Variants in G3BP1 observed in about 807,000 individuals in gnomAD.
G3BP1 encodes the protein G3BP stress granule assembly factor 1.
Under a neutral mutation model 58.6 loss-of-function variants are expected in G3BP1, and 35 were observed. The observed-to-expected ratio is 0.60, with a 90% CI of 0.46 to 0.79. The LOEUF is 0.79. Among genes scored for constraint, G3BP1 ranks in the 30% least tolerant of loss-of-function variants. The probability of loss-of-function intolerance (pLI) is 0.00; values close to 1 mark genes in which losing one functional copy is unlikely to be tolerated. For synonymous variants in G3BP1, 191 were observed against 195.4 expected (o/e 0.98, Z 0.19); for missense variants, 523 against 580.8 (o/e 0.90, Z 1.02).
In G3BP1 at chr5:151,800,214, T is replaced by C; in HGVS notation, c.956-4T>C. 1 of 1,611,970 alleles carries C rather than the reference T, an allele frequency of 6.2e-7. No homozygotes were observed. Among genetic ancestry groups the C allele is most frequent in the Non-Finnish European group, 8.5e-7 (1 of 1,179,672 alleles). On this transcript the variant is annotated splice_region_variant and splice_polypyrimidine_tract_variant and intron_variant, in intron 9 of 11. Coordinates refer to ENST00000356245, the MANE Select transcript of G3BP1 (RefSeq NM_005754.3). The stretch of plus-strand genomic sequence containing the variant: ...TTTCATTGATGTTTTTGTCTCCTTT[T>C]AAGTCCGTGAGGCTGGTGAGCAAGG...
At chr5:151,801,199 A>G (rs1219958532) in intron 11 of G3BP1, among the ~76,000 whole-genome samples, 2 of 152,204 alleles carry the variant, frequency 1.3e-5, no homozygotes, top group South Asian at 2.1e-4. Flanking sequence ...ACTTCTAACT[A>G]TTAACTAAGA....
intron 4 of G3BP1, 45 bp from the exon 5 acceptor site, chr5:151,794,114 C>T: frequency 1.7e-6 from 2 of 1,186,410 alleles, no homozygotes; most frequent in Non-Finnish European, 1.3e-6. Flanking sequence ...ATTTGACTTT[C>T]TAAAAGTCTG....
At position 151,808,812 on chromosome 5, in the gene G3BP1, G is replaced by T. The variant is rs144196320; in HGVS notation, c.*4721G>T. On this transcript the variant is annotated 3_prime_UTR_variant, in exon 12 of 12. Coordinates refer to ENST00000356245, the MANE Select transcript of G3BP1 (RefSeq NM_005754.3). ...TTTGGGGAAGGTTGCCTATATTTTTGATAGTAATTAGATGGAAGATTAAAT... is the reference window on the plus strand; with the variant it reads ...TTTGGGGAAGGTTGCCTATATTTTTTATAGTAATTAGATGGAAGATTAAAT... 2 of 152,156 alleles carry T rather than the reference G, an allele frequency of 1.3e-5. No individual in the cohort carries two copies. The highest frequency in any genetic ancestry group is 2.9e-5 in the Non-Finnish European group (2 of 68,034). 9.4% of individuals were successfully genotyped at this position (152,156 alleles called of 1,614,324 possible).
rs1762949039 is a variant in G3BP1 at position 151,807,164 on chromosome 5, T to C, written c.*3073T>C. 1 of 152,186 alleles carries C rather than the reference T, an allele frequency of 6.6e-6. No homozygotes were observed. Among genetic ancestry groups the C allele is most frequent in the Non-Finnish European group, 1.5e-5 (1 of 68,022 alleles). The allele number at this position is 152,186 out of a possible 1,614,324, so 9.4% of individuals were successfully genotyped here. Reference sequence around the variant, plus strand: ...TTGGTTGAGTATGTCATTACCACAGTGTTAGTTGAATTGCACTTTAGGTTA... The same window carrying C: ...TTGGTTGAGTATGTCATTACCACAGCGTTAGTTGAATTGCACTTTAGGTTA... On this transcript the variant is annotated 3_prime_UTR_variant, in exon 12 of 12. Transcript: ENST00000356245.
rs1762734336 is a variant in G3BP1, at chr5:151,795,522, A to G, written c.486A>G (p.Thr162=). The G allele has an allele frequency of 1.2e-6, 2 of 1,608,246 alleles. No individual in the cohort carries two copies. The highest frequency in any genetic ancestry group is 2.2e-5 in the South Asian group (2 of 90,758). The change falls in exon 6 of 12, where the codon ACA becomes ACG. Residue 162 remains threonine (T), a synonymous_variant. Coordinates refer to ENST00000356245, the MANE Select transcript of G3BP1 (RefSeq NM_005754.3). Reference sequence around the variant, plus strand: ...AGGAACCTGAAGAAAGACAGCAAACACCTGAGGTGGTACCTGATGATTCTG... The same window carrying G: ...AGGAACCTGAAGAAAGACAGCAAACGCCTGAGGTGGTACCTGATGATTCTG... ...EVEEPEERQQ[T]PEVVPDDSGT... is the part of the protein sequence containing the mutation.
chr5:151,784,547 C>T (rs1223443132), intron 1 of G3BP1, among the ~76,000 whole-genome samples: 4 of 152,122 alleles, frequency 2.6e-5, no homozygotes, highest in Non-Finnish European at 5.9e-5. Context: ...AAGAAATGGT[C>T]TCTGCTCTTA....
In G3BP1 at chr5:151,792,044, G is replaced by A. The variant is rs189535034; in HGVS notation, c.351+982G>A. ...AACACTTATGGCAAAATATTTTCCA[G>A]GTTCATCTTGCACTGTTCCTGGCCC... On this transcript the variant is annotated intron_variant, in intron 4 of 11. Coordinates refer to ENST00000356245, the MANE Select transcript of G3BP1 (RefSeq NM_005754.3). The A allele has an allele frequency of 2.0e-5, 9 of 452,638 alleles. No individual in the cohort carries two copies. The East Asian group carries it at 3.5e-4, about 18-fold the overall frequency. 28.0% of individuals were successfully genotyped at this position (452,638 alleles called of 1,614,324 possible).
In G3BP1 at chr5:151,791,035, C is replaced by G; in HGVS notation, c.324C>G (p.Phe108Leu). The change falls in exon 4 of 12, where the codon TTC (phenylalanine) becomes TTG (leucine). Residue 108 changes from phenylalanine to leucine, a missense_variant. Phe to Leu is a conservative substitution (Grantham distance 22, BLOSUM62 0). Coordinates refer to ENST00000356245, the MANE Select transcript of G3BP1 (RefSeq NM_005754.3). ...ACAACAACCAGGCTTTGAGGAGATT[C>G]ATGCAAACGTTTGTCCTTGCTCCTG... is the stretch of plus-strand genomic sequence containing the variant. ...LSNNNQALRR[F>L]MQTFVLAPEG... 6.2e-7 allele frequency: 1 copy of G among 1,613,760 alleles called. No homozygotes were observed. Among genetic ancestry groups the G allele is most frequent in the Non-Finnish European group, 8.5e-7 (1 of 1,179,776 alleles).
intron 1 of G3BP1, among the ~76,000 whole-genome samples, chr5:151,773,331 A>T (rs1762310351): frequency 8.4e-6 from 1 of 118,860 alleles, no homozygotes; most frequent in African/African-American, 3.6e-5. Context: ...GTTACAGTAT[A>T]CTATTTGGAC....
intron 1 of G3BP1, among the ~76,000 whole-genome samples, chr5:151,773,599 A>G (rs925825249): frequency 3.9e-5 from 6 of 152,210 alleles, no homozygotes; most frequent in South Asian, 2.1e-4. Flanking sequence ...TAAATCTTCT[A>G]TGTTATAGAA....
In G3BP1 at chr5:151,795,574, A is replaced by G; in HGVS notation, c.538A>G (p.Ser180Gly). 1.3e-6 allele frequency: 2 copies of G among 1,552,572 alleles called. No homozygotes were observed. Among genetic ancestry groups the G allele is most frequent in the Non-Finnish European group, 1.8e-6 (2 of 1,125,300 alleles). Residue 180 changes from serine to glycine, a missense_variant and splice_region_variant, in exon 6 of 12, where the codon AGT (serine) becomes GGT (glycine). Physicochemically the swap from Ser to Gly is moderately conservative, Grantham distance 56 (BLOSUM62 0). Around this residue, in one of 2 missense-constraint regions of G3BP1, gnomAD observed 398 missense variants for 399.1 expected, o/e 1.00. Transcript: ENST00000356245. ...SGTFYDQAVV[S>G]NDMEEHLEEP... The stretch of plus-strand genomic sequence containing the variant: ...AACTTTCTATGATCAGGCAGTTGTC[A>G]GGTAAGAAGATTTTGTTCACATGTC...
rs1762933395 is a variant in G3BP1, at chr5:151,805,966, T to C, written c.*1875T>C. On this transcript the variant is annotated 3_prime_UTR_variant, in exon 12 of 12. Coordinates refer to ENST00000356245, the MANE Select transcript of G3BP1 (RefSeq NM_005754.3). Reference sequence around the variant, plus strand: ...TACATTTCAAAACAGAAGTTCTTCCTACTTGGAGACTTAAGGGCATTAACT... The same window carrying C: ...TACATTTCAAAACAGAAGTTCTTCCCACTTGGAGACTTAAGGGCATTAACT... 1 of 152,218 alleles carries C rather than the reference T, an allele frequency of 6.6e-6. No homozygotes were observed. Among genetic ancestry groups the C allele is most frequent in the African/African-American group, 2.4e-5 (1 of 41,460 alleles). 9.4% of individuals were successfully genotyped at this position (152,218 alleles called of 1,614,324 possible).
intron 1 of G3BP1, 124 bp downstream of exon 1, chr5:151,772,160 C>G (rs1762275097): frequency 6.6e-6 from 1 of 151,150 alleles, no homozygotes; most frequent in African/African-American, 2.4e-5. Context: ...CACCCCAACC[C>G]CCACCCCAAC....
At position 151,790,915 on chromosome 5, in the gene G3BP1, A is replaced by G. The variant is rs61732687; in HGVS notation, c.204A>G (p.Gln68=). ...QKEIHRKVMS[Q]NFTNCHTKIR... ...AAATCCACAGGAAAGTGATGTCACAAAACTTCACCAACTGCCACACCAAGA... is the reference window on the plus strand; with the variant it reads ...AAATCCACAGGAAAGTGATGTCACAGAACTTCACCAACTGCCACACCAAGA... Residue 68 remains glutamine (Q), a synonymous_variant, in exon 4 of 12, where the codon CAA becomes CAG. Coordinates refer to ENST00000356245, the MANE Select transcript of G3BP1 (RefSeq NM_005754.3). The G allele has an allele frequency of 1.9e-6, 3 of 1,604,220 alleles. No homozygotes were observed. The highest frequency in any genetic ancestry group is 2.6e-6 in the Non-Finnish European group (3 of 1,173,348).
intron 4 of G3BP1, among the ~76,000 whole-genome samples, chr5:151,793,857 AAG>A (rs1469552386): frequency 1.3e-5 from 2 of 151,270 alleles, no homozygotes; most frequent in East Asian, 3.9e-4. Flanking sequence ...AAAAAGAAAA[AAG>A]AGAAATTAGC....
chr5:151,780,370 T>C (rs183025333), intron 1 of G3BP1, among the ~76,000 whole-genome samples: 200 of 152,372 alleles, frequency 1.3e-3, no homozygotes, highest in African/African-American at 4.3e-3. Context: ...AAACTGGCAC[T>C]GAAAATGGGC....
At chr5:151,803,832 A>G in intron 11 of G3BP1, 53 bp from the exon 12 acceptor site, 1 of 1,176,930 alleles carries the variant, frequency 8.5e-7, no homozygotes, top group East Asian at 2.4e-5. Context: ...TATCTTTGAT[A>G]GTGATAGCCA....
chr5:151,780,515 C>G (rs1762448408), intron 1 of G3BP1, among the ~76,000 whole-genome samples: 1 of 152,050 alleles, frequency 6.6e-6, no homozygotes, highest in Non-Finnish European at 1.5e-5. Flanking sequence ...AGTTATTTCC[C>G]CCTCCGCCGC....
At chr5:151,796,262 C>T (rs985038307) in intron 6 of G3BP1, among the ~76,000 whole-genome samples, 1 of 152,024 alleles carries the variant, frequency 6.6e-6, no homozygotes, top group Non-Finnish European at 1.5e-5. Context: ...AAAACATCTG[C>T]AGTTTTGTTT....
Sources: allele counts gnomAD v4.1 joint callset (sites outside exome capture counted in the v4.1 genomes callset), GRCh38; gene constraint gnomAD v4.1.1; regional missense constraint gnomAD v4.1.1; transcripts MANE v1.5; gene names NCBI Gene and HGNC (gene_info 2026-07-23, HGNC 2026-07-21).